The following RIMKLA variants were observed in gnomAD, a reference collection of about 807,000 sequenced individuals.
RIMKLA encodes the protein ribosomal modification protein rimK like family member A.
Under a neutral mutation model 32.7 loss-of-function variants are expected in RIMKLA, and 14 were observed. The ratio of observed to expected loss-of-function variants is 0.43; its 90% CI spans 0.28 to 0.67. The LOEUF (loss-of-function observed/expected upper bound fraction) is 0.67, where lower values mean the gene tolerates loss of function less well. Ranked by LOEUF, RIMKLA falls within the 30% of genes least tolerant of loss-of-function variation. RIMKLA has a pLI of 0.18. For synonymous variants in RIMKLA, 176 were observed against 204.1 expected, an observed-to-expected ratio of 0.86 and a Z score of 1.18; for missense variants, 410 against 519.0, an observed-to-expected ratio of 0.79 and a Z score of 2.04.
At chr1:42,389,419 T>C (rs79014742) in intron 1 of RIMKLA, among the ~76,000 whole-genome samples, 22,894 of 152,064 alleles carry the variant, frequency 0.15, 1,817 homozygotes, top group East Asian at 0.22. Context: ...CAAAGAATCC[T>C]GAGTAAAAGA....
At chr1:42,405,516 A>G (rs757508302) in intron 3 of RIMKLA, among the ~76,000 whole-genome samples, 1 of 152,078 alleles carries the variant, frequency 6.6e-6, no homozygotes, top group Non-Finnish European at 1.5e-5. Flanking sequence ...ATGCTTAAAC[A>G]CTCCAGGCAT....
intron 1 of RIMKLA, among the ~76,000 whole-genome samples, chr1:42,381,997 A>T (rs1270255425): frequency 6.6e-6 from 1 of 152,174 alleles, no homozygotes; most frequent in Non-Finnish European, 1.5e-5. Context: ...ATCTTGGGAT[A>T]CTGTTCGCAT....
chr1:42,388,237 G>T (rs1245383386), intron 1 of RIMKLA, among the ~76,000 whole-genome samples: 3 of 152,108 alleles, frequency 2.0e-5, no homozygotes, highest in South Asian at 2.1e-4. Context: ...ATGGAGTCTT[G>T]CCTGTTGTCC....
At chr1:42,410,404 G>A (rs1336387798) in intron 4 of RIMKLA, among the ~76,000 whole-genome samples, 1 of 152,176 alleles carries the variant, frequency 6.6e-6, no homozygotes, top group Non-Finnish European at 1.5e-5. Flanking sequence ...TCAGGACATG[G>A]AGGACTGAAC....
Position 42,423,553 on chromosome 1 carries a change from C to G in RIMKLA, c.*8579C>G, listed in dbSNP as rs1110071. ...AGGTTGCTGATGGCTTCCCTACCCT[C>G]TTGACGGTGGCTCTGGCAGAAACCA... On this transcript the variant is annotated 3_prime_UTR_variant, in exon 5 of 5. Coordinates refer to ENST00000431473, the MANE Select transcript of RIMKLA (RefSeq NM_173642.4). 0.23 allele frequency among the ~76,000 whole-genome samples: 34,304 copies of G among 152,156 alleles called. 4,096 individuals carry two copies. Among genetic ancestry groups the G allele is most frequent in the South Asian group, 0.44 (2,120 of 4,828 alleles).
Position 42,411,916 on chromosome 1 carries a change from C to T in RIMKLA, c.685+1729C>T, listed in dbSNP as rs186393795. 1.5e-3 allele frequency among the ~76,000 whole-genome samples: 226 copies of T among 152,128 alleles called. 2 individuals carry two copies. The highest frequency in any genetic ancestry group is 0.014 in the Middle Eastern group (4 of 294). On this transcript the variant is annotated intron_variant, in intron 4 of 4. Transcript: ENST00000431473. ...CGATCTCCTGACCTTGTGATCTGCCCGCCTCGGCCTCCCAAAGTGCTGGGA... is the reference window on the plus strand; with the variant it reads ...CGATCTCCTGACCTTGTGATCTGCCTGCCTCGGCCTCCCAAAGTGCTGGGA...
At chr1:42,414,371 G>A in intron 4 of RIMKLA, 113 bp from the exon 5 acceptor site, 1 of 1,110,682 alleles carries the variant, frequency 9.0e-7, no homozygotes, top group Non-Finnish European at 1.3e-6. Context: ...GACCTTTTGT[G>A]ATTAATGATC....
At position 42,415,047 on chromosome 1, in the gene RIMKLA, A is replaced by C. The variant is rs1358932003; in HGVS notation, c.*73A>C. ...GTAGTTTTGAGTGAATAAAATCTGG[A>C]CTAATGTGATTTCATTTGCACAGAA... On this transcript the variant is annotated 3_prime_UTR_variant, in exon 5 of 5. Transcript: ENST00000431473. 1 of 1,434,170 alleles carries C rather than the reference A, an allele frequency of 7.0e-7. No individual in the cohort carries two copies. Among genetic ancestry groups the C allele is most frequent in the African/African-American group, 1.4e-5 (1 of 70,436 alleles). The allele number at this position is 1,434,170 out of a possible 1,614,324, so 88.8% of individuals were successfully genotyped here. A position where few individuals can be genotyped will look rare whatever the true frequency, so the allele number is the denominator to read the frequency against.
chr1:42,412,934 G>A (rs141745609), intron 4 of RIMKLA: 413 of 187,052 alleles, frequency 2.2e-3, no homozygotes, highest in Admixed American at 3.3e-3. Context: ...AAGAGATCGA[G>A]ATCATCCTGG....
At chr1:42,402,029 A>T (rs1229926350) in intron 2 of RIMKLA, among the ~76,000 whole-genome samples, 1 of 152,308 alleles carries the variant, frequency 6.6e-6, no homozygotes, top group East Asian at 1.9e-4. Context: ...TATCAGCGGG[A>T]TGGCGGGAAG....
At chr1:42,413,651 G>C (rs968693782) in intron 4 of RIMKLA, among the ~76,000 whole-genome samples, 1 of 151,808 alleles carries the variant, frequency 6.6e-6, no homozygotes, top group Non-Finnish European at 1.5e-5. Flanking sequence ...TTTCTTCTGA[G>C]AAATCTCTTT....
In RIMKLA at chr1:42,423,462, C is replaced by G. The variant is rs910949302; in HGVS notation, c.*8488C>G. 1.3e-5 allele frequency among the ~76,000 whole-genome samples: 2 copies of G among 152,204 alleles called. No individual in the cohort carries two copies. Among genetic ancestry groups the G allele is most frequent in the African/African-American group, 2.4e-5 (1 of 41,440 alleles). On this transcript the variant is annotated 3_prime_UTR_variant, in exon 5 of 5. Transcript: ENST00000431473. ...CCGTATTCAAATTCCCCCATTGTCT[C>G]AAAGAGAACTGCATTTAGCTCCATG...
chr1:42,385,870 CTT>C (rs1169592959), intron 1 of RIMKLA, among the ~76,000 whole-genome samples: 1 of 84,446 alleles, frequency 1.2e-5, no homozygotes, highest in Non-Finnish European at 2.6e-5. Flanking sequence ...TTCTTTCTTT[CTT>C]TCTTTCTTTC....
In RIMKLA at chr1:42,415,417, A is replaced by C. The variant is rs954691614; in HGVS notation, c.*443A>C. On this transcript the variant is annotated 3_prime_UTR_variant, in exon 5 of 5. Transcript: ENST00000431473. ...TAAGTGTGTGTGTGATGCTTGGAAA[A>C]GACACAGTTCAAACACTATTAGAGG... 1 of 168,934 alleles carries C rather than the reference A, an allele frequency of 5.9e-6. No homozygotes were observed. The highest frequency in any genetic ancestry group is 1.3e-5 in the Non-Finnish European group (1 of 77,882). 10.5% of individuals were successfully genotyped at this position (168,934 alleles called of 1,614,324 possible).
At chr1:42,395,307 C>G (rs138987947) in intron 1 of RIMKLA, among the ~76,000 whole-genome samples, 3 of 149,826 alleles carry the variant, frequency 2.0e-5, no homozygotes, top group African/African-American at 4.9e-5. Flanking sequence ...GAGGTTTGAT[C>G]TTTTTTCCAC....
intron 4 of RIMKLA, among the ~76,000 whole-genome samples, chr1:42,412,995 G>A (rs1354126644): frequency 2.0e-5 from 3 of 152,094 alleles, no homozygotes; most frequent in South Asian, 2.1e-4. Flanking sequence ...TTAGCTGGGC[G>A]TGGTGGCATG....
In RIMKLA at chr1:42,414,900, G is replaced by GC; in HGVS notation, c.1106dup (p.Pro370ThrfsTer12). On this transcript the variant is annotated frameshift_variant, in exon 5 of 5. Transcript: ENST00000431473. LOFTEE classifies it high-confidence loss of function. ...GGATTCCTCAGCAAGCACAATGGGG[G>GC]CCCCACCCTCCATGCTGCCCGAACC... is the stretch of plus-strand genomic sequence containing the variant. 2.5e-6 allele frequency: 4 copies of GC among 1,614,124 alleles called. No homozygotes were observed. The highest frequency in any genetic ancestry group is 1.7e-6 in the Non-Finnish European group (2 of 1,180,022).
chr1:42,401,129 G>C (rs779593999), intron 2 of RIMKLA, among the ~76,000 whole-genome samples: 5 of 151,916 alleles, frequency 3.3e-5, no homozygotes, highest in Non-Finnish European at 7.4e-5. Flanking sequence ...TCTCATAAGC[G>C]GTGCACAACC....
chr1:42,395,360 GTTT>G (rs71962302), intron 1 of RIMKLA, among the ~76,000 whole-genome samples: 1 of 138,714 alleles, frequency 7.2e-6, no homozygotes, highest in Non-Finnish European at 1.6e-5. Flanking sequence ...GGTTGTTTTA[GTTT>G]TTTTTTTTTT....
Sources: gnomAD v4.1 joint callset for allele counts (sites outside exome capture counted in the v4.1 genomes callset) on GRCh38, gnomAD v4.1.1 for gene constraint, MANE v1.5 for transcripts, NCBI Gene and HGNC (gene_info 2026-07-23, HGNC 2026-07-21) for gene names.